Variants in DLGAP2 observed in about 807,000 individuals in gnomAD.
DLGAP2 encodes DLG associated protein 2.
In DLGAP2, 26 loss-of-function variants were observed where a neutral mutation model predicts 100.3. That is an observed-to-expected ratio of 0.26 (90% CI 0.19 to 0.36). DLGAP2 has a LOEUF of 0.36. Among genes scored for constraint, DLGAP2 ranks in the 10% least tolerant of loss-of-function variants. DLGAP2 has a pLI of 1.00. For synonymous variants in DLGAP2, 886 were observed against 630.1 expected (o/e 1.41, Z -6.08); for missense variants, 1,858 against 1,453.2 (o/e 1.28, Z -4.53).
At chr8:764,431 T>G (rs1821160118) in intron 1 of DLGAP2, among the ~76,000 whole-genome samples, 1 of 152,238 alleles carries the variant, frequency 6.6e-6, no homozygotes, top group South Asian at 2.1e-4. Flanking sequence ...ATTATATACT[T>G]TGTCACTTCG....
At chr8:1,495,861 C>A (rs1400068833) in intron 3 of DLGAP2, among the ~76,000 whole-genome samples, 3 of 152,150 alleles carry the variant, frequency 2.0e-5, no homozygotes, top group Admixed American at 6.5e-5. Flanking sequence ...AGCGCGTGTC[C>A]ATCTGCAAAG....
chr8:888,704 G>A (rs780374910), intron 1 of DLGAP2, among the ~76,000 whole-genome samples: 1 of 151,784 alleles, frequency 6.6e-6, no homozygotes, highest in Non-Finnish European at 1.5e-5. Flanking sequence ...TCCTGTGCCT[G>A]GAGATGTCAC....
chr8:1,575,064 CACA>C (rs754877226), intron 6 of DLGAP2, among the ~76,000 whole-genome samples: 13 of 152,262 alleles, frequency 8.5e-5, no homozygotes, highest in Middle Eastern at 3.4e-3. Flanking sequence ...CATAATAACG[CACA>C]ACAAGAGACT....
chr8:1,320,490 C>T (rs951647062), intron 3 of DLGAP2, among the ~76,000 whole-genome samples: 2 of 152,174 alleles, frequency 1.3e-5, no homozygotes, highest in Admixed American at 6.5e-5. Flanking sequence ...AGGAGCCGGG[C>T]AGACGGGTGA....
chr8:1,330,654 G>C (rs1444325402), intron 3 of DLGAP2, among the ~76,000 whole-genome samples: 1 of 142,086 alleles, frequency 7.0e-6, no homozygotes, highest in Non-Finnish European at 1.5e-5. Flanking sequence ...GGGTGGGACT[G>C]AGTTCTGGGT....
At chr8:1,513,674 T>C (rs1800258763) in intron 4 of DLGAP2, among the ~76,000 whole-genome samples, 1 of 152,238 alleles carries the variant, frequency 6.6e-6, no homozygotes, top group South Asian at 2.1e-4. Context: ...CTGCAGCTTT[T>C]CTCAGTAAAA....
intron 3 of DLGAP2, among the ~76,000 whole-genome samples, chr8:1,330,184 C>T (rs967570023): frequency 2.0e-5 from 3 of 152,052 alleles, no homozygotes; most frequent in Admixed American, 6.5e-5. Flanking sequence ...GTGGTGCTGA[C>T]GCCCAGGGAC....
chr8:802,519 C>T (rs1398161232), intron 1 of DLGAP2, among the ~76,000 whole-genome samples: 2 of 152,142 alleles, frequency 1.3e-5, no homozygotes, highest in African/African-American at 2.4e-5. Flanking sequence ...TAGCTGAGGT[C>T]CCAGATTGGC....
chr8:1,588,317 A>G (rs1796187665), intron 6 of DLGAP2, among the ~76,000 whole-genome samples: 1 of 152,184 alleles, frequency 6.6e-6, no homozygotes, highest in Non-Finnish European at 1.5e-5. Flanking sequence ...AGAGCAAAAA[A>G]GAGTCCAATC....
At chr8:1,197,615 G>T (rs79325044) in intron 2 of DLGAP2, among the ~76,000 whole-genome samples, 1 of 150,404 alleles carries the variant, frequency 6.6e-6, no homozygotes, top group Non-Finnish European at 1.5e-5. Context: ...TGGAGCATCT[G>T]GGCCACCAGC....
At chr8:1,321,485 G>T (rs773033171) in intron 3 of DLGAP2, among the ~76,000 whole-genome samples, 1 of 152,252 alleles carries the variant, frequency 6.6e-6, no homozygotes, top group Non-Finnish European at 1.5e-5. Flanking sequence ...GCGTATGCAT[G>T]GTCCGTGACC....
chr8:1,575,371 A>C (rs1214205229), intron 6 of DLGAP2, among the ~76,000 whole-genome samples: 1 of 151,978 alleles, frequency 6.6e-6, no homozygotes, highest in Non-Finnish European at 1.5e-5. Flanking sequence ...CAGACAGTGG[A>C]ATGGAGGTTA....
intron 4 of DLGAP2, among the ~76,000 whole-genome samples, chr8:1,540,759 G>C (rs1252194296): frequency 6.6e-6 from 1 of 152,238 alleles, no homozygotes; most frequent in African/African-American, 2.4e-5. Flanking sequence ...GAAGCTGCCT[G>C]TACCTTCTGG....
At chr8:1,080,477 G>C (rs920423770) in intron 2 of DLGAP2, among the ~76,000 whole-genome samples, 3 of 152,234 alleles carry the variant, frequency 2.0e-5, no homozygotes, top group Admixed American at 1.3e-4. Flanking sequence ...CGGGAAAGCT[G>C]CAGGGATGCA....
intron 2 of DLGAP2, among the ~76,000 whole-genome samples, chr8:937,505 A>C (rs1799098551): frequency 6.6e-6 from 1 of 152,172 alleles, no homozygotes; most frequent in African/African-American, 2.4e-5. Context: ...AAAGCCAAAA[A>C]CAACACAGTG....
intron 2 of DLGAP2, among the ~76,000 whole-genome samples, chr8:1,249,105 C>A (rs767425210): frequency 6.6e-6 from 1 of 152,148 alleles, no homozygotes; most frequent in Non-Finnish European, 1.5e-5. Flanking sequence ...ACACGAGTGT[C>A]CTGCATGCTG....
intron 5 of DLGAP2, among the ~76,000 whole-genome samples, chr8:1,551,388 GAC>G (rs922485463): frequency 6.6e-6 from 1 of 152,098 alleles, no homozygotes; most frequent in Non-Finnish European, 1.5e-5. Flanking sequence ...AGCACTTCAG[GAC>G]ACTGTCAGAG....
intron 4 of DLGAP2, among the ~76,000 whole-genome samples, chr8:1,543,207 G>T (rs1801421516): frequency 6.6e-6 from 1 of 152,100 alleles, no homozygotes; most frequent in South Asian, 2.1e-4. Context: ...TTAATTTTAG[G>T]TAGTTTATTT....
chr8:1,700,317 C>T (rs1209513208), intron 14 of DLGAP2, among the ~76,000 whole-genome samples: 1 of 152,190 alleles, frequency 6.6e-6, no homozygotes, highest in Non-Finnish European at 1.5e-5. Flanking sequence ...TGCCGTGTGC[C>T]CTTTCCTGGG....
Sources: gnomAD v4.1 joint callset for allele counts (sites outside exome capture counted in the v4.1 genomes callset) on GRCh38, gnomAD v4.1.1 for gene constraint, MANE v1.5 for transcripts, NCBI Gene and HGNC (gene_info 2026-07-23, HGNC 2026-07-21) for gene names.